Variants in ITGA1 observed in about 807,000 individuals in gnomAD.
ITGA1 encodes the protein integrin alpha-1.
ITGA1 carries 85 observed loss-of-function variants against 145.9 expected under a neutral mutation model. The ratio of observed to expected loss-of-function variants is 0.58; its 90% CI spans 0.49 to 0.70. The LOEUF (loss-of-function observed/expected upper bound fraction) is 0.70, where lower values mean the gene tolerates loss of function less well. ITGA1 is among the 30% of genes least tolerant of loss of function. The probability of loss-of-function intolerance (pLI) is 0.00; values close to 1 mark genes in which losing one functional copy is unlikely to be tolerated. For synonymous variants in ITGA1, 520 were observed against 495.3 expected (o/e 1.05, Z -0.66); for missense variants, 1,351 against 1,418.7 (o/e 0.95, Z 0.77).
At chr5:52,898,646 T>C (rs1255096139) in intron 11 of ITGA1, among the ~76,000 whole-genome samples, 2 of 152,138 alleles carry the variant, frequency 1.3e-5, no homozygotes, top group African/African-American at 2.4e-5. Context: ...TTCTGATATG[T>C]TCAGTTTCTC....
intron 1 of ITGA1, among the ~76,000 whole-genome samples, chr5:52,798,281 G>C (rs1200746381): frequency 2.6e-5 from 4 of 152,184 alleles, no homozygotes; most frequent in African/African-American, 9.7e-5. Context: ...GAAGGAGGAA[G>C]TAAGGGGAGA....
chr5:52,947,744 T>C (rs1751157732), intron 28 of ITGA1, among the ~76,000 whole-genome samples: 1 of 152,150 alleles, frequency 6.6e-6, no homozygotes, highest in South Asian at 2.1e-4. Context: ...GACTTTCACA[T>C]GTGTAACAAT....
chr5:52,796,207 G>A (rs1431863713), intron 1 of ITGA1, among the ~76,000 whole-genome samples: 2 of 151,902 alleles, frequency 1.3e-5, no homozygotes, highest in African/African-American at 2.4e-5. Flanking sequence ...CAATTGAAGA[G>A]TAAGAGCTAC....
intron 1 of ITGA1, among the ~76,000 whole-genome samples, chr5:52,839,539 C>G (rs1017852372): frequency 7.2e-5 from 11 of 152,114 alleles, no homozygotes; most frequent in African/African-American, 2.4e-4. Flanking sequence ...CCCAACTGTC[C>G]TATGTACTCT....
At chr5:52,937,895 T>C (rs1034393913) in intron 24 of ITGA1, among the ~76,000 whole-genome samples, 1 of 152,158 alleles carries the variant, frequency 6.6e-6, no homozygotes, top group Non-Finnish European at 1.5e-5. Flanking sequence ...ATAGCTCCTA[T>C]CTCTGCCTCT....
chr5:52,818,348 C>T (rs1580045618), intron 1 of ITGA1, among the ~76,000 whole-genome samples: 1 of 152,230 alleles, frequency 6.6e-6, no homozygotes, highest in African/African-American at 2.4e-5. Flanking sequence ...CTTATTTGCA[C>T]ATTAGGGTTT....
chr5:52,831,583 C>T (rs1749071268), intron 1 of ITGA1, among the ~76,000 whole-genome samples: 2 of 150,082 alleles, frequency 1.3e-5, no homozygotes, highest in Admixed American at 1.3e-4. Context: ...ATTGGCATCA[C>T]AATAACAGTA....
rs13185211 is a variant in ITGA1 at position 52,840,512 on chromosome 5, A to C, written c.62-8853A>C. Among the ~76,000 whole-genome samples the C allele has an allele frequency of 1.4e-4, 21 of 152,322 alleles. 1 individual carries two copies. In the East Asian group the frequency reaches 3.5e-3, roughly 25 times the overall value. Reference sequence around the variant, plus strand: ...TTATTTGGTGAAACATAGATCCGAAAGATGATGCTGATGTGGTGAAGGGGG... The same window carrying C: ...TTATTTGGTGAAACATAGATCCGAACGATGATGCTGATGTGGTGAAGGGGG... On this transcript the variant is annotated intron_variant, in intron 1 of 28. Coordinates refer to ENST00000282588, the MANE Select transcript of ITGA1 (RefSeq NM_181501.2).
rs188449480 is a variant in ITGA1, at chr5:52,855,717, T to C, written c.183-5730T>C. ...GAGATTCCTGAAATTCTGTAAACCC[T>C]ATGCTAATACTTTTCTAGGATCTTG... On this transcript the variant is annotated intron_variant, in intron 2 of 28. Transcript: ENST00000282588. Among the ~76,000 whole-genome samples the C allele has an allele frequency of 9.8e-5, 15 of 152,290 alleles. No homozygotes were observed. The East Asian group carries it at 2.5e-3, about 25-fold the overall frequency.
intron 1 of ITGA1, among the ~76,000 whole-genome samples, chr5:52,844,755 A>G (rs564740390): frequency 2.0e-5 from 3 of 152,170 alleles, no homozygotes; most frequent in Admixed American, 1.3e-4. Flanking sequence ...TTTTTTCTAT[A>G]TTGTCTCTGA....
chr5:52,864,520 C>T (rs1286510781), intron 3 of ITGA1, among the ~76,000 whole-genome samples: 3 of 152,166 alleles, frequency 2.0e-5, no homozygotes, highest in Admixed American at 6.5e-5. Flanking sequence ...CATTGCCCTG[C>T]TAGTTCTGCA....
At chr5:52,913,300 T>C (rs551016895) in intron 14 of ITGA1, among the ~76,000 whole-genome samples, 92 of 152,304 alleles carry the variant, frequency 6.0e-4, no homozygotes, top group African/African-American at 2.1e-3. Context: ...ATATTTAATG[T>C]CCATGCTGTT....
At chr5:52,931,908 A>G (rs1561253090) in intron 21 of ITGA1, 139 bp from the exon 22 acceptor site, 4 of 548,658 alleles carry the variant, frequency 7.3e-6, no homozygotes, top group East Asian at 6.0e-5. Flanking sequence ...CTTCACCCCA[A>G]TTAAAAAAAT....
At chr5:52,924,332 C>T (rs1318748220) in intron 18 of ITGA1, among the ~76,000 whole-genome samples, 3 of 152,192 alleles carry the variant, frequency 2.0e-5, no homozygotes, top group Non-Finnish European at 4.4e-5. Context: ...GAAGTTGTGC[C>T]ATTTCAGTGG....
intron 2 of ITGA1, among the ~76,000 whole-genome samples, chr5:52,856,632 A>T (rs73754049): frequency 0.11 from 16,416 of 151,806 alleles, 953 homozygotes; most frequent in Non-Finnish European, 0.11. Context: ...TCCTCTGTAA[A>T]TCTCACTAGA....
At position 52,804,501 on chromosome 5, in the gene ITGA1, G is replaced by A. The variant is rs1220999141; in HGVS notation, c.61+16087G>A. ...TCTTAGAAACAAATTGGATTTTTCT[G>A]CTCCCAGATGCCACTAGAGTAGCTT... On this transcript the variant is annotated intron_variant, in intron 1 of 28. Transcript: ENST00000282588. 2.0e-5 allele frequency among the ~76,000 whole-genome samples: 3 copies of A among 152,050 alleles called. No individual in the cohort carries two copies. In the East Asian group the frequency reaches 5.8e-4, roughly 29 times the overall value.
Position 52,839,327 on chromosome 5 carries a change from T to C in ITGA1, c.62-10038T>C, listed in dbSNP as rs924843333. Among the ~76,000 whole-genome samples, 21 of 152,252 alleles carry C rather than the reference T, an allele frequency of 1.4e-4. 1 individual carries two copies. Among genetic ancestry groups the C allele is most frequent in the Admixed American group, 1.2e-3 (18 of 15,282 alleles). On this transcript the variant is annotated intron_variant, in intron 1 of 28. Transcript: ENST00000282588. ...AGGTATATTTGAATATGTTTTTTGT[T>C]TTCATTCATTTCTATTTTATTTTTA...
Position 52,788,253 on chromosome 5 carries a change from C to G in ITGA1, c.-101C>G. On this transcript the variant is annotated 5_prime_UTR_variant, in exon 1 of 29. Coordinates refer to ENST00000282588, the MANE Select transcript of ITGA1 (RefSeq NM_181501.2). ...GCCACTGGGGCAGAGGACTGGGAAC[C>G]GCGGCAGCGGGATAAGTGGCCCAGC... 1 of 916,966 alleles carries G rather than the reference C, an allele frequency of 1.1e-6. No individual in the cohort carries two copies. Among genetic ancestry groups the G allele is most frequent in the Non-Finnish European group, 1.5e-6 (1 of 656,604 alleles). The allele number at this position is 916,966 out of a possible 1,614,324, so 56.8% of individuals were successfully genotyped here.
chr5:52,891,571 A>AT (rs1750150543), intron 8 of ITGA1, among the ~76,000 whole-genome samples: 1 of 148,438 alleles, frequency 6.7e-6, no homozygotes, highest in Non-Finnish European at 1.5e-5. Flanking sequence ...AAAAAAAAAA[A>AT]AAAAACCAAA....
Sources: allele counts gnomAD v4.1 joint callset (sites outside exome capture counted in the v4.1 genomes callset), GRCh38; gene constraint gnomAD v4.1.1; transcripts MANE v1.5; gene names NCBI Gene and HGNC (gene_info 2026-07-23, HGNC 2026-07-21).